The following MRPS9 variants were observed in gnomAD, a reference collection of about 807,000 sequenced individuals.
MRPS9 encodes the protein mitochondrial ribosomal protein S9, also known as small ribosomal subunit protein uS9m.
Under a neutral mutation model 59.9 loss-of-function variants are expected in MRPS9, and 45 were observed. The observed-to-expected ratio is 0.75, with a 90% confidence interval of 0.59 to 0.96. The LOEUF (loss-of-function observed/expected upper bound fraction) is 0.96, where lower values mean the gene tolerates loss of function less well. Among genes scored for constraint, MRPS9 ranks in the 40% least tolerant of loss-of-function variants. MRPS9 has a pLI of 0.00. For synonymous variants in MRPS9, 171 were observed against 166.8 expected, an observed-to-expected ratio of 1.03 and a Z score of -0.19; for missense variants, 473 against 481.1, an observed-to-expected ratio of 0.98 and a Z score of 0.16.
At chr2:105,061,392 C>G (rs528763129) in intron 2 of MRPS9, among the ~76,000 whole-genome samples, 1 of 152,124 alleles carries the variant, frequency 6.6e-6, no homozygotes, top group East Asian at 1.9e-4. Context: ...CTGTTGTGCT[C>G]CCTGAGTGGG....
intron 2 of MRPS9, among the ~76,000 whole-genome samples, chr2:105,064,596 T>C (rs1294528974): frequency 6.6e-6 from 1 of 152,134 alleles, no homozygotes; most frequent in East Asian, 1.9e-4. Context: ...ATGTGGAAGC[T>C]GAAGGCAGTG....
intron 4 of MRPS9, among the ~76,000 whole-genome samples, chr2:105,073,160 A>G (rs936272619): frequency 6.6e-6 from 1 of 151,522 alleles, no homozygotes; most frequent in African/African-American, 2.4e-5. Context: ...CTCCTCACCT[A>G]TTTCTCTCTC....
chr2:105,041,883 C>T (rs1679508140), intron 1 of MRPS9, among the ~76,000 whole-genome samples: 1 of 152,118 alleles, frequency 6.6e-6, no homozygotes, highest in Admixed American at 6.5e-5. Context: ...GGAAAAATAC[C>T]TCTACATTAA....
intron 1 of MRPS9, among the ~76,000 whole-genome samples, chr2:105,040,528 C>T (rs1008209047): frequency 6.6e-6 from 1 of 152,104 alleles, no homozygotes; most frequent in Admixed American, 6.6e-5. Context: ...GTTTGAGAAA[C>T]ACTGTTACAA....
intron 7 of MRPS9, among the ~76,000 whole-genome samples, chr2:105,091,119 C>G (rs1195314498): frequency 6.6e-6 from 1 of 151,846 alleles, no homozygotes; most frequent in Non-Finnish European, 1.5e-5. Flanking sequence ...TTTGTAATAT[C>G]CCACGGACTT....
At chr2:105,048,554 A>G (rs979784034) in intron 1 of MRPS9, among the ~76,000 whole-genome samples, 3 of 152,038 alleles carry the variant, frequency 2.0e-5, no homozygotes, top group African/African-American at 7.2e-5. Flanking sequence ...TTATTTCTGC[A>G]GTTAGCATGT....
At chr2:105,078,702 A>G (rs1391702556) in intron 4 of MRPS9, among the ~76,000 whole-genome samples, 3 of 152,220 alleles carry the variant, frequency 2.0e-5, no homozygotes, top group Admixed American at 2.0e-4. Context: ...TACATATAAT[A>G]CAGGTGGTAT....
intron 2 of MRPS9, among the ~76,000 whole-genome samples, chr2:105,061,136 A>AAAAAAG (rs1679893092): frequency 1.4e-5 from 2 of 142,320 alleles, no homozygotes; most frequent in African/African-American, 2.7e-5. Context: ...AAAAAAAAAA[A>AAAAAAG]GTTAAATATT....
At chr2:105,053,462 G>A (rs746184070) in intron 2 of MRPS9, among the ~76,000 whole-genome samples, 2 of 152,076 alleles carry the variant, frequency 1.3e-5, no homozygotes, top group African/African-American at 2.4e-5. Flanking sequence ...AATAATGATC[G>A]TGAAGACCAT....
At chr2:105,058,834 C>T (rs1181798557) in intron 2 of MRPS9, among the ~76,000 whole-genome samples, 2 of 152,018 alleles carry the variant, frequency 1.3e-5, no homozygotes, top group East Asian at 3.9e-4. Context: ...TGCCCACCAC[C>T]ATGCTCAGCT....
intron 5 of MRPS9, among the ~76,000 whole-genome samples, chr2:105,088,109 CAAAA>C (rs374505636): frequency 2.3e-5 from 2 of 88,302 alleles, no homozygotes; most frequent in Non-Finnish European, 2.4e-5. Context: ...TCATGATTAG[CAAAA>C]AAAAAAAAAA....
At chr2:105,070,106 G>A (rs938281450) in intron 2 of MRPS9, among the ~76,000 whole-genome samples, 2 of 152,182 alleles carry the variant, frequency 1.3e-5, no homozygotes, top group African/African-American at 4.8e-5. Context: ...TGCTAAAGGG[G>A]CACACTGATG....
chr2:105,043,212 G>A (rs1202790718), intron 1 of MRPS9, among the ~76,000 whole-genome samples: 1 of 152,178 alleles, frequency 6.6e-6, no homozygotes, highest in Non-Finnish European at 1.5e-5. Flanking sequence ...CAGGGTTTAT[G>A]CGTTTTATTT....
chr2:105,088,651 G>T (rs183017303), intron 5 of MRPS9, among the ~76,000 whole-genome samples: 1 of 151,972 alleles, frequency 6.6e-6, no homozygotes, highest in African/African-American at 2.4e-5. Flanking sequence ...TGAAAGAAAA[G>T]GAAAATAGTT....
At chr2:105,051,961 A>G (rs926061095) in intron 2 of MRPS9, among the ~76,000 whole-genome samples, 1 of 152,230 alleles carries the variant, frequency 6.6e-6, no homozygotes, top group Admixed American at 6.5e-5. Flanking sequence ...TACAGGATAT[A>G]GCAAGATAGC....
At chr2:105,073,692 C>G (rs969050403) in intron 4 of MRPS9, among the ~76,000 whole-genome samples, 3 of 152,108 alleles carry the variant, frequency 2.0e-5, no homozygotes, top group African/African-American at 7.2e-5. Flanking sequence ...ACTGGGTCAA[C>G]AGGAGCAAAG....
chr2:105,097,964 T>G (rs1206189264), intron 10 of MRPS9, among the ~76,000 whole-genome samples: 1 of 152,248 alleles, frequency 6.6e-6, no homozygotes, highest in Non-Finnish European at 1.5e-5. Context: ...CCCAAAGCAC[T>G]GACATTACGT....
At position 105,093,007 on chromosome 2, in the gene MRPS9, A is replaced by T. The variant is rs567487709; in HGVS notation, c.820+438A>T. ...GTTCAGAGCCATTAGACGTAGTCCA[A>T]CTTTTACGACTTGAACTATTAAAAT... On this transcript the variant is annotated intron_variant, in intron 8 of 10. Transcript: ENST00000258455. Among the ~76,000 whole-genome samples the T allele has an allele frequency of 2.0e-5, 3 of 152,316 alleles. No homozygotes were observed. In the South Asian group the frequency reaches 6.2e-4, roughly 32 times the overall value.
intron 2 of MRPS9, among the ~76,000 whole-genome samples, chr2:105,050,882 A>G (rs1187875879): frequency 6.6e-6 from 1 of 152,162 alleles, no homozygotes; most frequent in Non-Finnish European, 1.5e-5. Context: ...TTCACTTAGC[A>G]CAATGTTTTC....
Sources: allele counts gnomAD v4.1 joint callset (sites outside exome capture counted in the v4.1 genomes callset), GRCh38; gene constraint gnomAD v4.1.1; transcripts MANE v1.5; gene names NCBI Gene and HGNC (gene_info 2026-07-23, HGNC 2026-07-21).